Variants in NUDT3 observed in about 807,000 individuals in gnomAD.
The protein encoded by NUDT3 is diphosphoinositol polyphosphate phosphohydrolase 1.
Under a neutral mutation model 23.6 loss-of-function variants are expected in NUDT3, and 9 were observed. That is an observed-to-expected ratio of 0.38 (90% confidence interval 0.23 to 0.66). The LOEUF (loss-of-function observed/expected upper bound fraction) is 0.66, where lower values mean the gene tolerates loss of function less well. Among genes scored for constraint, NUDT3 ranks in the 30% least tolerant of loss-of-function variants. NUDT3 has a pLI of 0.52. For synonymous variants in NUDT3, 86 were observed against 82.6 expected, an observed-to-expected ratio of 1.04 and a Z score of -0.22; for missense variants, 172 against 218.5, an observed-to-expected ratio of 0.79 and a Z score of 1.34.
intron 1 of NUDT3, among the ~76,000 whole-genome samples, chr6:34,348,473 C>A (rs1276652688): frequency 6.6e-6 from 1 of 151,920 alleles, no homozygotes; most frequent in African/African-American, 2.4e-5. Flanking sequence ...CAGAGCAAGA[C>A]CCTGTCTCAA....
intron 3 of NUDT3, 104 bp downstream of exon 3, chr6:34,295,537 A>AG: frequency 1.6e-6 from 1 of 622,130 alleles, no homozygotes; most frequent in East Asian, 5.4e-5. Flanking sequence ...AAAAATAACT[A>AG]AAAAAAAAAA....
intron 1 of NUDT3, among the ~76,000 whole-genome samples, chr6:34,350,977 G>A (rs939066446): frequency 1.3e-5 from 2 of 149,686 alleles, no homozygotes; most frequent in East Asian, 1.9e-4. Context: ...CACAGATATC[G>A]GCGCCAGGCG....
At chr6:34,301,584 A>G (rs146132458) in intron 2 of NUDT3, among the ~76,000 whole-genome samples, 1 of 152,390 alleles carries the variant, frequency 6.6e-6, no homozygotes, top group East Asian at 1.9e-4. Flanking sequence ...AGTGGCCTAC[A>G]GCCAGCTAAC....
At chr6:34,333,348 T>C (rs1057023767) in intron 2 of NUDT3, among the ~76,000 whole-genome samples, 8 of 152,206 alleles carry the variant, frequency 5.3e-5, no homozygotes, top group African/African-American at 1.2e-4. Flanking sequence ...GGACTGACAA[T>C]GCCATGATAA....
chr6:34,357,479 G>C (rs1316898771), intron 1 of NUDT3, among the ~76,000 whole-genome samples: 1 of 152,004 alleles, frequency 6.6e-6, no homozygotes, highest in East Asian at 1.9e-4. Context: ...GGGCATGGTA[G>C]TGAGCACCTG....
At chr6:34,343,077 T>C (rs1764311792) in intron 1 of NUDT3, among the ~76,000 whole-genome samples, 1 of 152,194 alleles carries the variant, frequency 6.6e-6, no homozygotes, top group South Asian at 2.1e-4. Context: ...AGGAAATCCA[T>C]GAATCCATAC....
At position 34,352,967 on chromosome 6, in the gene NUDT3, T is replaced by C. The variant is rs556522111; in HGVS notation, c.100-10995A>G. 3.9e-5 allele frequency among the ~76,000 whole-genome samples: 6 copies of C among 152,332 alleles called. No homozygotes were observed. In the South Asian group the frequency reaches 1.0e-3, roughly 26 times the overall value. On this transcript the variant is annotated intron_variant, in intron 1 of 4. Transcript: ENST00000607016. Reference sequence around the variant, plus strand: ...AGGTATATGTGTCTAGAATTCGTCTTCCTAATTCTACTCTTTTCAAACATC... The same window carrying C: ...AGGTATATGTGTCTAGAATTCGTCTCCCTAATTCTACTCTTTTCAAACATC...
chr6:34,297,384 G>A (rs1763516871), intron 2 of NUDT3, among the ~76,000 whole-genome samples: 1 of 151,906 alleles, frequency 6.6e-6, no homozygotes, highest in Non-Finnish European at 1.5e-5. Flanking sequence ...GCCAGCCTGG[G>A]TTGGAAAGGC....
intron 4 of NUDT3, among the ~76,000 whole-genome samples, chr6:34,290,470 C>T (rs981803706): frequency 6.7e-6 from 1 of 149,264 alleles, no homozygotes; most frequent in African/African-American, 2.5e-5. Flanking sequence ...ATCCTCCTGC[C>T]TTAGCCTCCC....
At chr6:34,344,478 G>A (rs927618786) in intron 1 of NUDT3, among the ~76,000 whole-genome samples, 5 of 151,974 alleles carry the variant, frequency 3.3e-5, no homozygotes, top group Non-Finnish European at 7.3e-5. Flanking sequence ...TATGAAATAC[G>A]CAGAATAAGC....
At position 34,310,312 on chromosome 6, in the gene NUDT3, T is replaced by C. The variant is rs185306157; in HGVS notation, c.211-14627A>G. Among the ~76,000 whole-genome samples, 265 of 151,924 alleles carry C rather than the reference T, an allele frequency of 1.7e-3. 1 individual carries two copies. The highest frequency in any genetic ancestry group is 6.0e-3 in the African/African-American group (247 of 41,466). ...TGGGAGGCCGAGGCAGGAGGATCAC[T>C]TGAGGTCATGAGTTCAGGACCAGCC... On this transcript the variant is annotated intron_variant, in intron 2 of 4. Coordinates refer to ENST00000607016, the MANE Select transcript of NUDT3 (RefSeq NM_006703.4).
At chr6:34,322,274 A>G (rs1035408002) in intron 2 of NUDT3, among the ~76,000 whole-genome samples, 1 of 150,142 alleles carries the variant, frequency 6.7e-6, no homozygotes, top group Admixed American at 6.7e-5. Context: ...TCTGTCGCCC[A>G]GGCTGGAGTG....
chr6:34,376,876 T>C (rs414739), intron 1 of NUDT3, among the ~76,000 whole-genome samples: 49,568 of 151,698 alleles, frequency 0.33, 9,739 homozygotes, highest in African/African-American at 0.51. Context: ...CTGACACCCC[T>C]TATCACTCCC....
chr6:34,288,863 C>G lies in NUDT3; in HGVS notation c.409G>C (p.Ala137Pro), dbSNP rs1351684355. The change falls in exon 5 of 5, where the codon GCA (alanine) becomes CCA (proline). Residue 137 changes from alanine to proline, a missense_variant. By Grantham distance (27) the Ala-to-Pro change is conservative. Coordinates refer to ENST00000607016, the MANE Select transcript of NUDT3 (RefSeq NM_006703.4). ...TGCCTCAATGTTTCAAAATATGATG[C>G]CTGCACGGGTTTGTGATACTGCAGC... ...KVLQYHKPVQ[A>P]SYFETLRQGY... is the part of the protein sequence containing the mutation. 1 of 1,614,052 alleles carries G rather than the reference C, an allele frequency of 6.2e-7. No homozygotes were observed. Among genetic ancestry groups the G allele is most frequent in the Admixed American group, 1.7e-5 (1 of 59,996 alleles).
At chr6:34,360,516 G>A (rs1049715726) in intron 1 of NUDT3, among the ~76,000 whole-genome samples, 4 of 152,116 alleles carry the variant, frequency 2.6e-5, no homozygotes, top group East Asian at 3.9e-4. Flanking sequence ...GGAGGTTGCC[G>A]TGAGCCGAGA....
chr6:34,342,793 C>A (rs1012837753), intron 1 of NUDT3, among the ~76,000 whole-genome samples: 1 of 152,298 alleles, frequency 6.6e-6, no homozygotes, highest in Non-Finnish European at 1.5e-5. Flanking sequence ...CTGATGATGA[C>A]CTGTGAGCCT....
At chr6:34,321,588 T>A (rs1763943256) in intron 2 of NUDT3, among the ~76,000 whole-genome samples, 2 of 152,150 alleles carry the variant, frequency 1.3e-5, no homozygotes, top group South Asian at 4.1e-4. Flanking sequence ...AGGTATAATA[T>A]ATATATTTTT....
At chr6:34,378,759 G>C (rs1469328015) in intron 1 of NUDT3, among the ~76,000 whole-genome samples, 2 of 152,196 alleles carry the variant, frequency 1.3e-5, no homozygotes, top group African/African-American at 2.4e-5. Flanking sequence ...CCAGAGAAGA[G>C]AGCTAGGTGG....
Position 34,280,661 on chromosome 6 carries a change from T to C in NUDT3, c.*8092A>G, listed in dbSNP as rs1477854377. 6.6e-6 allele frequency: 1 copy of C among 152,238 alleles called. No homozygotes were observed. The highest frequency in any genetic ancestry group is 6.5e-5 in the Admixed American group (1 of 15,288). 9.4% of individuals were successfully genotyped at this position (152,238 alleles called of 1,614,324 possible). ...ACACACTCTCTAAACAGGAGATCTA[T>C]ATATGCTCTCATCCTGCAACCCAAG... On this transcript the variant is annotated 3_prime_UTR_variant, in exon 5 of 5. Coordinates refer to ENST00000607016, the MANE Select transcript of NUDT3 (RefSeq NM_006703.4).
Sources: allele counts gnomAD v4.1 joint callset (sites outside exome capture counted in the v4.1 genomes callset), GRCh38; gene constraint gnomAD v4.1.1; transcripts MANE v1.5; gene names NCBI Gene and HGNC (gene_info 2026-07-23, HGNC 2026-07-21).